Variants in USP54 observed in about 807,000 individuals in gnomAD.
USP54 encodes the protein ubiquitin specific peptidase 54, also known as ubiquitin carboxyl-terminal hydrolase 54.
A neutral mutation model predicts 170.5 loss-of-function variants in USP54; 87 were observed. The ratio of observed to expected loss-of-function variants is 0.51; its 90% CI spans 0.43 to 0.61. USP54 has a LOEUF of 0.61. USP54 is among the 20% of genes least tolerant of loss of function. USP54 has a pLI of 0.00. For missense variants in USP54, 1,786 were observed against 2,047.8 expected (o/e 0.87, Z 2.47); for synonymous variants, 655 against 742.8 (o/e 0.88, Z 1.92).
chr10:73,614,561 C>CAAAAAAAAAA (rs60519884), intron 1 of USP54, among the ~76,000 whole-genome samples: 1 of 50,240 alleles, frequency 2.0e-5, no homozygotes, highest in Non-Finnish European at 4.1e-5. Flanking sequence ...ACTCCGTCTC[C>CAAAAAAAAAA]AAAAAAAAAA....
chr10:73,625,316 A>G (rs2081439952), intron 1 of USP54, among the ~76,000 whole-genome samples: 1 of 148,772 alleles, frequency 6.7e-6, no homozygotes, highest in South Asian at 2.1e-4. Context: ...CTAGTTCACC[A>G]GGACTCTCCG....
intron 1 of USP54, among the ~76,000 whole-genome samples, chr10:73,621,246 A>C (rs1306490914): frequency 6.7e-6 from 1 of 150,048 alleles, no homozygotes; most frequent in Non-Finnish European, 1.5e-5. Flanking sequence ...GAAAAAAAAA[A>C]CCTGAAAGCA....
intron 1 of USP54, chr10:73,614,953 A>G (rs996946479): frequency 1.0e-4 from 15 of 150,500 alleles, no homozygotes; most frequent in Non-Finnish European, 8.8e-5. Context: ...TATGTGCAAT[A>G]TATGTTTAAA....
chr10:73,608,544 G>T (rs1274661981), intron 1 of USP54, among the ~76,000 whole-genome samples: 8 of 152,104 alleles, frequency 5.3e-5, no homozygotes, highest in African/African-American at 1.9e-4. Context: ...CATTTAATTT[G>T]CTCAGGTAGG....
intron 1 of USP54, among the ~76,000 whole-genome samples, chr10:73,602,807 G>A (rs548242433): frequency 1.5e-5 from 2 of 130,074 alleles, no homozygotes; most frequent in South Asian, 4.9e-4. Context: ...AGTGAGCTGA[G>A]ATCGCACCAC....
At chr10:73,553,681 C>G (rs1372019383) in intron 4 of USP54, among the ~76,000 whole-genome samples, 1 of 152,158 alleles carries the variant, frequency 6.6e-6, no homozygotes, top group Admixed American at 6.5e-5. Context: ...CAGGAAGAAC[C>G]AAAACCCAAG....
intron 15 of USP54, among the ~76,000 whole-genome samples, chr10:73,527,771 G>A (rs1235156327): frequency 6.7e-6 from 1 of 150,210 alleles, no homozygotes; most frequent in African/African-American, 2.5e-5. Flanking sequence ...AGGCTGAGGT[G>A]GGTAAATCAC....
intron 1 of USP54, among the ~76,000 whole-genome samples, chr10:73,619,511 C>A (rs1202146058): frequency 7.1e-6 from 1 of 141,700 alleles, no homozygotes; most frequent in Admixed American, 7.1e-5. Flanking sequence ...CTAGCCTGGG[C>A]GACAGAGCGA....
At chr10:73,621,762 C>T (rs568402793) in intron 1 of USP54, among the ~76,000 whole-genome samples, 1 of 152,256 alleles carries the variant, frequency 6.6e-6, no homozygotes, top group East Asian at 1.9e-4. Flanking sequence ...CTTGCTACAA[C>T]TATTTTCCCA....
chr10:73,592,346 T>C (rs1172010513), upstream of USP54, among the ~76,000 whole-genome samples: 1 of 152,084 alleles, frequency 6.6e-6, no homozygotes, highest in African/African-American at 2.4e-5. Context: ...AAAAAAAAGA[T>C]GTAATTAAGA....
intron 4 of USP54, among the ~76,000 whole-genome samples, chr10:73,547,047 C>T (rs1219414441): frequency 6.6e-6 from 1 of 152,180 alleles, no homozygotes; most frequent in Non-Finnish European, 1.5e-5. Flanking sequence ...GAATGCACAT[C>T]ACTTTTTAAT....
chr10:73,536,263 G>C lies in USP54; in HGVS notation c.1144+6C>G. The C allele has an allele frequency of 6.2e-7, 1 of 1,613,836 alleles. No individual in the cohort carries two copies. The highest frequency in any genetic ancestry group is 1.1e-5 in the South Asian group (1 of 91,066). On this transcript the variant is annotated splice_donor_region_variant and intron_variant, in intron 11 of 23. Coordinates refer to ENST00000687698, the MANE Select transcript of USP54 (RefSeq NM_001391956.1). ...GAGAGGAGAGGTAAAGAGCCTGGCT[G>C]CTCACCTGAATCTTCACTGTCGTAG...
Position 73,586,367 on chromosome 10 carries a change from A to G in USP54, c.-582+4911T>C, listed in dbSNP as rs571546162. Among the ~76,000 whole-genome samples, 272 of 152,116 alleles carry G rather than the reference A, an allele frequency of 1.8e-3. 1 individual carries two copies. Among genetic ancestry groups the G allele is most frequent in the African/African-American group, 5.4e-3 (223 of 41,514 alleles). On this transcript the variant is annotated intron_variant, in intron 1 of 23. Transcript: ENST00000687698. Reference sequence around the variant, plus strand: ...ATTCTCTCACCCTCTCACCTTTCCAATCTCCCAATTTATTTCATCCTCCTC... The same window carrying G: ...ATTCTCTCACCCTCTCACCTTTCCAGTCTCCCAATTTATTTCATCCTCCTC...
intron 1 of USP54, among the ~76,000 whole-genome samples, chr10:73,616,459 C>CA (rs1288397848): frequency 6.8e-6 from 1 of 147,598 alleles, no homozygotes; most frequent in East Asian, 1.9e-4. Flanking sequence ...AATGAAAACA[C>CA]ATGGACACAG....
At chr10:73,587,149 T>C (rs527525776) in intron 1 of USP54, among the ~76,000 whole-genome samples, 1 of 152,200 alleles carries the variant, frequency 6.6e-6, no homozygotes, top group South Asian at 2.1e-4. Flanking sequence ...GGAAGCAGCA[T>C]GGTAGTAGAA....
chr10:73,605,804 G>A (rs1002568098), intron 1 of USP54, among the ~76,000 whole-genome samples: 6 of 152,076 alleles, frequency 3.9e-5, no homozygotes, highest in East Asian at 1.9e-4. Flanking sequence ...GAAACAGAAA[G>A]TTGGATGGTG....
chr10:73,500,809 T>A lies in USP54; in HGVS notation c.4341A>T (p.Glu1447Asp), dbSNP rs2057948635. The change falls in exon 23 of 24, where the codon GAA becomes GAT. Residue 1447 changes from glutamate to aspartate, a missense_variant. By Grantham distance (45) the Glu-to-Asp change is conservative. Coordinates refer to ENST00000687698, the MANE Select transcript of USP54 (RefSeq NM_001391956.1). ...FDSSNVRKPL[E>D]TGHRCSSSSS... ...AGGAGCTGGAACAACGGTGCCCGGT[T>A]TCCAAAGGCTTCCTCACGTTTGATG... 16 of 1,600,084 alleles carry A rather than the reference T, an allele frequency of 1.0e-5. No homozygotes were observed. Among genetic ancestry groups the A allele is most frequent in the Non-Finnish European group, 1.3e-5 (15 of 1,175,272 alleles).
At chr10:73,605,238 G>A (rs972823697) in intron 1 of USP54, among the ~76,000 whole-genome samples, 1 of 152,106 alleles carries the variant, frequency 6.6e-6, no homozygotes, top group East Asian at 1.9e-4. Context: ...CTAATTTTTT[G>A]TATTTTTAGT....
rs189273468 is a variant in USP54 at position 73,502,591 on chromosome 10, G to A, written c.4312-1753C>T. Among the ~76,000 whole-genome samples, 98 of 152,310 alleles carry A rather than the reference G, an allele frequency of 6.4e-4. 1 individual carries two copies. In the East Asian group the frequency reaches 8.3e-3, roughly 13 times the overall value. On this transcript the variant is annotated intron_variant, in intron 22 of 23. Transcript: ENST00000687698. ...GCCTCCCAAAGTGCTGGGATTACAG[G>A]CGTGAGCCACCGCGCCCGGCTATTC...
Sources: allele counts gnomAD v4.1 joint callset (sites outside exome capture counted in the v4.1 genomes callset), GRCh38; gene constraint gnomAD v4.1.1; transcripts MANE v1.5; gene names NCBI Gene and HGNC (gene_info 2026-07-23, HGNC 2026-07-21).